ACIN1: variants seen among roughly 807,000 people sequenced by gnomAD.
ACIN1 encodes the protein apoptotic chromatin condensation inducer in the nucleus.
Under a neutral mutation model 146.6 loss-of-function variants are expected in ACIN1, and 16 were observed. That is an observed-to-expected ratio of 0.11 (90% confidence interval 0.07 to 0.17). ACIN1 has a LOEUF of 0.17. ACIN1 is among the 10% of genes least tolerant of loss of function. ACIN1 has a pLI of 1.00. For synonymous variants in ACIN1, 569 were observed against 582.7 expected (o/e 0.98, Z 0.34); for missense variants, 1,357 against 1,609.3 (o/e 0.84, Z 2.68).
intron 17 of ACIN1, 52 bp downstream of exon 17, chr14:23,061,246 G>C: frequency 2.5e-6 from 4 of 1,613,556 alleles, no homozygotes; most frequent in Non-Finnish European, 3.4e-6. Flanking sequence ...TCCCATCTGG[G>C]TCCCTTTCCC....
At chr14:23,075,319 T>TCC (rs1201974953) in intron 8 of ACIN1, among the ~76,000 whole-genome samples, 5 of 136,220 alleles carry the variant, frequency 3.7e-5, no homozygotes, top group African/African-American at 1.6e-4. Context: ...TTTTCTTTCT[T>TCC]CCCCTTTTTT....
chr14:23,071,131 T>C (rs770345606), intron 8 of ACIN1: 11 of 1,551,714 alleles, frequency 7.1e-6, no homozygotes, highest in Middle Eastern at 1.7e-4. Flanking sequence ...TCACCCTTCT[T>C]TGCTTTCTGA....
chr14:23,085,353 G>A (rs1245294366), intron 4 of ACIN1, among the ~76,000 whole-genome samples: 1 of 151,928 alleles, frequency 6.6e-6, no homozygotes, highest in Non-Finnish European at 1.5e-5. Context: ...ACAACAACAA[G>A]AACAACAACA....
Position 23,059,076 on chromosome 14 carries a change from G to A in ACIN1, c.*72C>T. On this transcript the variant is annotated 3_prime_UTR_variant, in exon 19 of 19. Coordinates refer to ENST00000605057, the MANE Select transcript of ACIN1 (RefSeq NM_001386863.1). ...CCTTGGCTCCAGGGTGGTGGAGACT[G>A]TGCCTATCCCTCTGTGGCCATAACC... is the stretch of plus-strand genomic sequence containing the variant. The A allele has an allele frequency of 6.9e-7, 1 of 1,448,068 alleles. No individual in the cohort carries two copies. The highest frequency in any genetic ancestry group is 9.5e-7 in the Non-Finnish European group (1 of 1,047,286). 89.7% of individuals were successfully genotyped at this position (1,448,068 alleles called of 1,614,324 possible).
At chr14:23,082,710 G>T (rs1193356864) in intron 4 of ACIN1, among the ~76,000 whole-genome samples, 1 of 151,908 alleles carries the variant, frequency 6.6e-6, no homozygotes, top group Non-Finnish European at 1.5e-5. Context: ...CTCCCAAAGT[G>T]CTGGGATTAC....
intron 18 of ACIN1, among the ~76,000 whole-genome samples, chr14:23,059,691 C>T (rs373908682): frequency 7.3e-5 from 11 of 151,132 alleles, no homozygotes; most frequent in African/African-American, 2.4e-4. Flanking sequence ...CTCGCTCCGT[C>T]GCCCAGGCTG....
chr14:23,064,573 C>T, intron 10 of ACIN1, 85 bp from the exon 11 acceptor site: 1 of 1,530,180 alleles, frequency 6.5e-7, no homozygotes, highest in Admixed American at 2.0e-5. Context: ...TTACCTCTGG[C>T]TGGAGTTTTG....
intron 4 of ACIN1, among the ~76,000 whole-genome samples, chr14:23,088,234 G>A (rs557696680): frequency 2.8e-4 from 42 of 152,226 alleles, no homozygotes; most frequent in African/African-American, 9.9e-4. Context: ...TAAAATCAAG[G>A]GGGAAAGGGC....
chr14:23,073,073 C>T lies in ACIN1; in HGVS notation c.2124-3456G>A, dbSNP rs115247110. ...CACACTTAATAGGCCATTATCTCAT[C>T]TGATGCCACCTCTGGGGCTCTGAGT... On this transcript the variant is annotated intron_variant, in intron 8 of 18. Coordinates refer to ENST00000605057, the MANE Select transcript of ACIN1 (RefSeq NM_001386863.1). 5.8e-3 allele frequency among the ~76,000 whole-genome samples: 885 copies of T among 152,352 alleles called. 8 individuals are homozygous for T. The highest frequency in any genetic ancestry group is 0.02 in the African/African-American group (813 of 41,572).
At position 23,067,719 on chromosome 14, in the gene ACIN1, T is replaced by C. The variant is rs951758466; in HGVS notation, c.2266-1711A>G. The C allele has an allele frequency of 1.8e-5, 18 of 985,810 alleles. No individual in the cohort carries two copies. The African/African-American group carries it at 2.3e-4, about 12-fold the overall frequency. The allele number at this position is 985,810 out of a possible 1,614,324, so 61.1% of individuals were successfully genotyped here. A position where few individuals can be genotyped will look rare whatever the true frequency, so the allele number is the denominator to read the frequency against. ...ATCGTGAGAGGCAGGCAGGACCCTA[T>C]GTCCACCAGTGGCAAGCTGCAGCAA... is the stretch of plus-strand genomic sequence containing the variant. On this transcript the variant is annotated intron_variant, in intron 9 of 18. Transcript: ENST00000605057. This position sits in a 1 kb window ranked among gnomAD's most constrained non-coding sequence, Gnocchi z 4.6.
At position 23,063,064 on chromosome 14, in the gene ACIN1, T is replaced by G; in HGVS notation, c.2748A>C (p.Gly916=). The G allele has an allele frequency of 6.2e-7, 1 of 1,608,356 alleles. No homozygotes were observed. Among genetic ancestry groups the G allele is most frequent in the Middle Eastern group, 1.7e-4 (1 of 6,036 alleles). The change falls in exon 14 of 19, where the codon GGA becomes GGC. Residue 916 remains glycine, a synonymous_variant. Coordinates refer to ENST00000605057, the MANE Select transcript of ACIN1 (RefSeq NM_001386863.1). The stretch of plus-strand genomic sequence containing the variant: ...TAATGGAACGTCGAGTTAAGGTATC[T>G]CCTAAAGTCACTATCAAGAAGACCA... ...AEHEVKKVTL[G]DTLTRRSISQ...
rs1248714078 is a variant in ACIN1, at chr14:23,095,088, G to C, written c.25C>G (p.Leu9Val). 1 of 1,614,228 alleles carries C rather than the reference G, an allele frequency of 6.2e-7. No homozygotes were observed. The highest frequency in any genetic ancestry group is 1.7e-5 in the Admixed American group (1 of 60,030). ...AGCGCCTGAAGAGGCTTCCCGTCCA[G>C]AGTCACCTCCTCCAGCTCCGCCATC... MAELEEVT[L>V]DGKPLQALRV... The change falls in exon 1 of 19, where the codon CTG (leucine) becomes GTG (valine). Residue 9 changes from leucine to valine, a missense_variant. Physicochemically the swap from Leu to Val is conservative, Grantham distance 32. Transcript: ENST00000605057.
chr14:23,059,762 T>C (rs1317731998), intron 18 of ACIN1, among the ~76,000 whole-genome samples: 1 of 150,674 alleles, frequency 6.6e-6, no homozygotes, highest in Non-Finnish European at 1.5e-5. Flanking sequence ...CACACCATTC[T>C]CCTGCCTCAG....
chr14:23,059,036 G>C lies in ACIN1; in HGVS notation c.*112C>G. 1 of 964,716 alleles carries C rather than the reference G, an allele frequency of 1.0e-6. No individual in the cohort carries two copies. Among genetic ancestry groups the C allele is most frequent in the South Asian group, 1.5e-5 (1 of 67,588 alleles). 59.8% of individuals were successfully genotyped at this position (964,716 alleles called of 1,614,324 possible). On this transcript the variant is annotated 3_prime_UTR_variant, in exon 19 of 19. Transcript: ENST00000605057. ...TCCATTTGGTATGTATGTAGGGATA[G>C]GTGATGTGAAAGACCCTTGGCTCCA...
In ACIN1 at chr14:23,090,030, G is replaced by C. The variant is rs766071433; in HGVS notation, c.388C>G (p.Gln130Glu). Residue 130 changes from glutamine to glutamate, a missense_variant, in exon 4 of 19, where the codon CAG becomes GAG. Gln to Glu is a conservative substitution (Grantham distance 29). Around this residue, in one of 4 missense-constraint regions of ACIN1, gnomAD observed 771 missense variants for 746.6 expected, o/e 1.03. Transcript: ENST00000605057. ...GVASLLPPDFQSSLERPELEL... is the reference protein window; with the variant it reads ...GVASLLPPDFESSLERPELEL... ...AGCTCTGGTCTCTCCAGGCTGCTCT[G>C]AAAGTCAGGAGGCAGCAGGGAAGCC... 3 of 1,613,504 alleles carry C rather than the reference G, an allele frequency of 1.9e-6. No individual in the cohort carries two copies. The highest frequency in any genetic ancestry group is 1.7e-6 in the Non-Finnish European group (2 of 1,179,828).
In ACIN1 at chr14:23,068,161, C is replaced by A. The variant is rs534823167; in HGVS notation, c.2265+1315G>T. 3 of 985,926 alleles carry A rather than the reference C, an allele frequency of 3.0e-6. No homozygotes were observed. In the South Asian group the frequency reaches 1.4e-4, roughly 46 times the overall value. The allele number at this position is 985,926 out of a possible 1,614,324, so 61.1% of individuals were successfully genotyped here. On this transcript the variant is annotated intron_variant, in intron 9 of 18. Coordinates refer to ENST00000605057, the MANE Select transcript of ACIN1 (RefSeq NM_001386863.1). The surrounding 1 kb of genome is among the most constrained non-coding windows in gnomAD (Gnocchi z 4.3). ...TCCCCAGGGGCTCAGACCCTAGACT[C>A]CTCTGCACGGTTCCTAGTCGTCACA... is the stretch of plus-strand genomic sequence containing the variant.
chr14:23,080,917 T>C (rs4982727), intron 5 of ACIN1, 108 bp from the exon 6 acceptor site: 615,062 of 1,494,178 alleles, frequency 0.41, 127,297 homozygotes, highest in South Asian at 0.52. Flanking sequence ...CAATGATATA[T>C]ACTTTCAGCA....
upstream of ACIN1, chr14:23,095,414 A>G (rs1206445745): frequency 1.6e-6 from 2 of 1,234,240 alleles, no homozygotes; most frequent in Non-Finnish European, 2.2e-6. Flanking sequence ...CCCTGGTATA[A>G]CCATAATCGG....
intron 8 of ACIN1, chr14:23,071,148 G>A: frequency 6.4e-7 from 1 of 1,550,966 alleles, no homozygotes; most frequent in African/African-American, 1.4e-5. Flanking sequence ...CTGATAACAT[G>A]ATTTTTTTTC....
Sources: allele counts gnomAD v4.1 joint callset (sites outside exome capture counted in the v4.1 genomes callset), GRCh38; gene constraint gnomAD v4.1.1; regional missense constraint gnomAD v4.1.1; non-coding constraint Gnocchi (gnomAD v3.1); transcripts MANE v1.5; gene names NCBI Gene and HGNC (gene_info 2026-07-23, HGNC 2026-07-21).